Variants in VKORC1L1 observed in about 807,000 individuals in gnomAD.
The protein encoded by VKORC1L1 is vitamin K epoxide reductase complex subunit 1L1, also known as vitamin K epoxide reductase complex subunit 1-like protein 1.
In VKORC1L1, 2 loss-of-function variants were observed where a neutral mutation model predicts 18.9. The observed-to-expected ratio is 0.11, with a 90% CI of 0.04 to 0.33. The LOEUF is 0.33. Among genes scored for constraint, VKORC1L1 ranks in the 10% least tolerant of loss-of-function variants. The pLI, the probability that VKORC1L1 is intolerant of heterozygous loss-of-function variation, is 1.00. For synonymous variants in VKORC1L1, 96 were observed against 100.0 expected (o/e 0.96, Z 0.24); for missense variants, 123 against 224.1 (o/e 0.55, Z 2.88).
At chr7:65,900,690 A>G (rs1179320807) in intron 1 of VKORC1L1, among the ~76,000 whole-genome samples, 5 of 152,152 alleles carry the variant, frequency 3.3e-5, no homozygotes, top group Non-Finnish European at 7.3e-5. Context: ...CTGTAGTCCC[A>G]GCTACTCGGG....
At chr7:65,907,670 A>G (rs1244430226) in intron 1 of VKORC1L1, among the ~76,000 whole-genome samples, 6 of 152,172 alleles carry the variant, frequency 3.9e-5, no homozygotes, top group East Asian at 1.9e-4. Context: ...TTTTGTTTTA[A>G]TCAGAGAGAA....
intron 1 of VKORC1L1, among the ~76,000 whole-genome samples, chr7:65,947,004 G>T (rs1056606849): frequency 7.9e-5 from 12 of 151,782 alleles, no homozygotes; most frequent in Admixed American, 3.3e-4. Context: ...TATATATATA[G>T]CTGGGTGTGG....
intron 1 of VKORC1L1, among the ~76,000 whole-genome samples, chr7:65,888,880 G>T (rs1198363560): frequency 6.6e-6 from 1 of 152,094 alleles, no homozygotes; most frequent in East Asian, 1.9e-4. Context: ...CAGAAGTATT[G>T]GTTTTCTGTT....
intron 1 of VKORC1L1, among the ~76,000 whole-genome samples, chr7:65,875,763 GT>G (rs202136622): frequency 6.6e-6 from 1 of 151,892 alleles, no homozygotes; most frequent in Non-Finnish European, 1.5e-5. Context: ...CCTCAAGTTA[GT>G]TTTTTTTGAG....
chr7:65,941,374 C>T (rs1475302826), intron 1 of VKORC1L1, among the ~76,000 whole-genome samples: 1 of 152,094 alleles, frequency 6.6e-6, no homozygotes, highest in Non-Finnish European at 1.5e-5. Flanking sequence ...CCATGGCCTC[C>T]CAAAGTGCTG....
intron 1 of VKORC1L1, among the ~76,000 whole-genome samples, chr7:65,878,527 A>G (rs974851328): frequency 5.9e-5 from 9 of 152,218 alleles, no homozygotes; most frequent in African/African-American, 1.9e-4. Flanking sequence ...CTTGCCCAAG[A>G]TAGCACAGGT....
intron 1 of VKORC1L1, among the ~76,000 whole-genome samples, chr7:65,933,909 A>C (rs1789898578): frequency 6.6e-6 from 1 of 152,222 alleles, no homozygotes; most frequent in Non-Finnish European, 1.5e-5. Context: ...TTTAAGGAGA[A>C]TATAGAAATC....
At chr7:65,916,493 A>G (rs547943889) in intron 1 of VKORC1L1, among the ~76,000 whole-genome samples, 12 of 151,934 alleles carry the variant, frequency 7.9e-5, no homozygotes, top group African/African-American at 2.4e-4. Flanking sequence ...GAAACTAGCC[A>G]TTTCTCTGAG....
intron 1 of VKORC1L1, among the ~76,000 whole-genome samples, chr7:65,896,358 C>T (rs1789212278): frequency 6.6e-6 from 1 of 152,058 alleles, no homozygotes; most frequent in African/African-American, 2.4e-5. Flanking sequence ...CTGCTAAGAA[C>T]ATTTATACAT....
intron 1 of VKORC1L1, among the ~76,000 whole-genome samples, chr7:65,906,899 C>T (rs922607176): frequency 4.6e-5 from 7 of 152,122 alleles, no homozygotes; most frequent in East Asian, 1.9e-4. Flanking sequence ...GCAGTGCTTA[C>T]GCTCAGGTTG....
At chr7:65,922,262 C>G (rs1237339624) in intron 1 of VKORC1L1, among the ~76,000 whole-genome samples, 4 of 150,820 alleles carry the variant, frequency 2.7e-5, no homozygotes, top group African/African-American at 9.7e-5. Flanking sequence ...GTGCTTCTGT[C>G]TAGGATCATG....
intron 1 of VKORC1L1, among the ~76,000 whole-genome samples, chr7:65,930,219 C>CTAT (rs1789836270): frequency 6.6e-6 from 1 of 152,086 alleles, no homozygotes; most frequent in South Asian, 2.1e-4. Flanking sequence ...ATGAGTAAAG[C>CTAT]TATTATTCAG....
intron 1 of VKORC1L1, among the ~76,000 whole-genome samples, chr7:65,936,709 C>G (rs1789947205): frequency 6.6e-6 from 1 of 152,170 alleles, no homozygotes; most frequent in South Asian, 2.1e-4. Flanking sequence ...AAGGGATTCC[C>G]TTCTCTGGTC....
chr7:65,887,678 A>G (rs1259309524), intron 1 of VKORC1L1, among the ~76,000 whole-genome samples: 1 of 152,206 alleles, frequency 6.6e-6, no homozygotes. Flanking sequence ...ATCATTCAGT[A>G]GAATAATTTG....
intron 1 of VKORC1L1, among the ~76,000 whole-genome samples, chr7:65,933,952 TC>T (rs1294778925): frequency 6.6e-6 from 1 of 152,142 alleles, no homozygotes; most frequent in Non-Finnish European, 1.5e-5. Context: ...TCCTTAATCC[TC>T]CCCCGCCTTA....
At chr7:65,929,994 C>T (rs59820001) in intron 1 of VKORC1L1, among the ~76,000 whole-genome samples, 2,533 of 151,940 alleles carry the variant, frequency 0.017, 129 homozygotes, top group East Asian at 0.15. Flanking sequence ...AAATACTACA[C>T]GTATTTTGTT....
In VKORC1L1 at chr7:65,873,436, T is replaced by C. The variant is rs1788765711; in HGVS notation, c.65T>C (p.Val22Ala). The C allele has an allele frequency of 1.3e-6, 2 of 1,587,308 alleles. No homozygotes were observed. Among genetic ancestry groups the C allele is most frequent in the African/African-American group, 2.8e-5 (2 of 71,626 alleles). Residue 22 changes from valine to alanine, a missense_variant, in exon 1 of 3, where the codon GTG (valine) becomes GCG (alanine). Coordinates refer to ENST00000360768, the MANE Select transcript of VKORC1L1 (RefSeq NM_173517.6). ...PRWERVARYA[V>A]CAAGILLSIY... is the part of the protein sequence containing the mutation. Reference sequence around the variant, plus strand: ...TGGGAGCGGGTGGCCCGGTATGCAGTGTGCGCTGCCGGAATCCTGCTCTCC... The same window carrying C: ...TGGGAGCGGGTGGCCCGGTATGCAGCGTGCGCTGCCGGAATCCTGCTCTCC...
chr7:65,873,550 C>T lies in VKORC1L1; in HGVS notation c.179C>T (p.Ala60Val), dbSNP rs1490815977. 2.6e-6 allele frequency: 4 copies of T among 1,558,152 alleles called. No individual in the cohort carries two copies. Among genetic ancestry groups the T allele is most frequent in the Non-Finnish European group, 2.6e-6 (3 of 1,155,872 alleles). Residue 60 changes from alanine (A) to valine (V), a missense_variant, in exon 1 of 3, where the codon GCC becomes GTC. Transcript: ENST00000360768. ...CTGGGGCCCTGGGTGAAGTGCTCCG[C>T]CGCCCTTGCCTCCAGGTAGCCGGCT... ...CDLGPWVKCS[A>V]ALASRWGRGF...
intron 1 of VKORC1L1, among the ~76,000 whole-genome samples, chr7:65,936,052 C>G (rs940188860): frequency 2.0e-5 from 3 of 151,456 alleles, no homozygotes; most frequent in African/African-American, 7.3e-5. Context: ...ACTGAATCTT[C>G]CCTTTGGTAT....
Sources: gnomAD v4.1 joint callset for allele counts (sites outside exome capture counted in the v4.1 genomes callset) on GRCh38, gnomAD v4.1.1 for gene constraint, MANE v1.5 for transcripts, NCBI Gene and HGNC (gene_info 2026-07-23, HGNC 2026-07-21) for gene names.